ATAD2B: variants seen among roughly 807,000 people sequenced by gnomAD.
ATAD2B encodes ATPase family AAA domain-containing protein 2B.
In ATAD2B, 40 loss-of-function variants were observed where a neutral mutation model predicts 167.6. The observed-to-expected ratio is 0.24, with a 90% CI of 0.19 to 0.31. The LOEUF (loss-of-function observed/expected upper bound fraction) is 0.31. Ranked by LOEUF, ATAD2B falls within the 10% of genes least tolerant of loss-of-function variation. The probability of loss-of-function intolerance (pLI) is 1.00; values close to 1 mark genes in which losing one functional copy is unlikely to be tolerated. For missense variants in ATAD2B, 1,242 were observed against 1,757.2 expected (o/e 0.71, Z 5.24); for synonymous variants, 579 against 596.5 (o/e 0.97, Z 0.43).
chr2:23,769,099 C>T (rs577089810), intron 22 of ATAD2B, among the ~76,000 whole-genome samples: 1 of 152,214 alleles, frequency 6.6e-6, no homozygotes, highest in East Asian at 1.9e-4. Context: ...TCTAGGACCC[C>T]ATCTCCCCTT....
Position 23,786,288 on chromosome 2 carries a change from C to T in ATAD2B, c.2777-65G>A, listed in dbSNP as rs1490421037. On this transcript the variant is annotated intron_variant, in intron 20 of 27. Coordinates refer to ENST00000238789, the MANE Select transcript of ATAD2B (RefSeq NM_017552.4). ...TGGGCCAGGACCCTTTTTTGGCATTCTCTCAAAATGTTCTTTAAAGAAAAG... is the reference window on the plus strand; with the variant it reads ...TGGGCCAGGACCCTTTTTTGGCATTTTCTCAAAATGTTCTTTAAAGAAAAG... The T allele has an allele frequency of 6.2e-6, 8 of 1,288,598 alleles. No homozygotes were observed. The African/African-American group carries it at 1.1e-4, about 17-fold the overall frequency. 79.8% of individuals were successfully genotyped at this position (1,288,598 alleles called of 1,614,324 possible).
Position 23,898,345 on chromosome 2 carries a change from ATC to A in ATAD2B, c.217-2377_217-2376del, listed in dbSNP as rs568302379. Among the ~76,000 whole-genome samples, 7 of 152,326 alleles carry A rather than the reference ATC, an allele frequency of 4.6e-5. No homozygotes were observed. In the South Asian group the frequency reaches 1.5e-3, roughly 32 times the overall value. On this transcript the variant is annotated intron_variant, in intron 1 of 27. Transcript: ENST00000238789. ...AGAATCTTGGTCTCCACAACCCTTT[ATC>A]TTAACCCAGACACTCCTTTATACTG...
chr2:23,839,947 T>C (rs1366513995), intron 13 of ATAD2B, among the ~76,000 whole-genome samples: 2 of 152,184 alleles, frequency 1.3e-5, no homozygotes, highest in Admixed American at 6.5e-5. Flanking sequence ...ACAGATTACT[T>C]TGCATTACTT....
chr2:23,701,793 C>CTTTTTTTTTTT, the ATAD2B span, among the ~76,000 whole-genome samples: 8 of 22,540 alleles, frequency 3.5e-4, 1 homozygote, highest in Non-Finnish European at 5.9e-4. Context: ...CTTTTTTTTG[C>CTTTTTTTTTTT]TTTTTTTTTT....
intron 16 of ATAD2B, among the ~76,000 whole-genome samples, chr2:23,820,826 G>T (rs567670196): frequency 6.6e-6 from 1 of 152,134 alleles, no homozygotes; most frequent in Non-Finnish European, 1.5e-5. Context: ...CAGGCGCCTC[G>T]TAGTCCCAGC....
intron 12 of ATAD2B, among the ~76,000 whole-genome samples, chr2:23,859,318 T>C (rs1693963459): frequency 6.6e-6 from 1 of 152,106 alleles, no homozygotes; most frequent in South Asian, 2.1e-4. Flanking sequence ...TTTATTTATT[T>C]TGAATTTTTG....
At chr2:23,880,441 T>C (rs938210616) in intron 7 of ATAD2B, among the ~76,000 whole-genome samples, 198 bp downstream of exon 7, 2 of 152,002 alleles carry the variant, frequency 1.3e-5, no homozygotes, top group Non-Finnish European at 2.9e-5. Flanking sequence ...CGGGCACCTG[T>C]AGTCCCAGCT....
At chr2:23,798,458 T>A in intron 18 of ATAD2B, 135 bp from the exon 19 acceptor site, 1 of 627,470 alleles carries the variant, frequency 1.6e-6, no homozygotes, top group Admixed American at 3.4e-5. Context: ...AAGTTCAAGA[T>A]ATGATGCACA....
the ATAD2B span, chr2:23,696,742 A>AGAT: frequency 2.1e-6 from 1 of 479,554 alleles, no homozygotes; most frequent in Non-Finnish European, 3.7e-6. This position sits in a 1 kb window ranked among gnomAD's most constrained non-coding sequence, Gnocchi z 5.5. Flanking sequence ...CTGAGATGGG[A>AGAT]GATGGGGCGC....
chr2:23,780,997 TA>T (rs747902865), intron 22 of ATAD2B, among the ~76,000 whole-genome samples: 2 of 152,140 alleles, frequency 1.3e-5, no homozygotes, highest in Non-Finnish European at 2.9e-5. Context: ...CATTTTTTTT[TA>T]GTATTACCTA....
intron 17 of ATAD2B, among the ~76,000 whole-genome samples, chr2:23,812,641 T>C (rs1476158302): frequency 1.3e-5 from 2 of 152,074 alleles, no homozygotes; most frequent in Non-Finnish European, 2.9e-5. Flanking sequence ...GGCTGGCGGA[T>C]CACAAGGTCA....
rs1369643444 is a variant in ATAD2B, at chr2:23,923,896, G to T, written c.216+2659C>A. ...TCAAGTGTAGTTAGTTAAGAACATG[G>T]CACAGGCTGGGCGCGGTGGCTCACG... On this transcript the variant is annotated intron_variant, in intron 1 of 27. Transcript: ENST00000238789. Among the ~76,000 whole-genome samples the T allele has an allele frequency of 2.6e-5, 4 of 152,302 alleles. No individual in the cohort carries two copies. In the East Asian group the frequency reaches 7.7e-4, roughly 29 times the overall value.
At chr2:23,680,251 G>A in the ATAD2B span, among the ~76,000 whole-genome samples, 3 of 152,286 alleles carry the variant, frequency 2.0e-5, no homozygotes, top group East Asian at 5.8e-4. The surrounding 1 kb of genome is among the most constrained non-coding windows in gnomAD (Gnocchi z 4.1). Flanking sequence ...TTGGTGTGAT[G>A]AGGGAGGGGA....
intron 18 of ATAD2B, among the ~76,000 whole-genome samples, chr2:23,808,723 AG>A (rs1020139332): frequency 6.6e-6 from 1 of 152,154 alleles, no homozygotes; most frequent in Non-Finnish European, 1.5e-5. Flanking sequence ...TCCAATACTT[AG>A]ATCTCTCAAT....
the ATAD2B span, among the ~76,000 whole-genome samples, chr2:23,737,382 G>A: frequency 5.3e-5 from 8 of 152,078 alleles, no homozygotes; most frequent in African/African-American, 1.4e-4. Flanking sequence ...CAGCATTTGC[G>A]GTTCACCAAT....
chr2:23,783,173 T>A (rs1426881128), intron 21 of ATAD2B, 145 bp from the exon 22 acceptor site: 12 of 445,044 alleles, frequency 2.7e-5, no homozygotes, highest in African/African-American at 2.2e-4. Flanking sequence ...CAGCGCTATT[T>A]ATGCTACCAA....
chr2:23,864,409 T>C (rs1295263988), intron 11 of ATAD2B, among the ~76,000 whole-genome samples: 1 of 152,126 alleles, frequency 6.6e-6, no homozygotes, highest in Non-Finnish European at 1.5e-5. Flanking sequence ...TTCCTACAAA[T>C]AAATTATCAA....
In ATAD2B at chr2:23,915,586, C is replaced by CTTTTT. The variant is rs869032768; in HGVS notation, c.216+10964_216+10968dup. Among the ~76,000 whole-genome samples the CTTTTT allele has an allele frequency of 3.6e-3, 233 of 65,248 alleles. 33 individuals are homozygous for CTTTTT. Among genetic ancestry groups the CTTTTT allele is most frequent in the Non-Finnish European group, 4.2e-3 (153 of 36,712 alleles). 42.8% of individuals were successfully genotyped at this position (65,248 alleles called of 152,430 possible). On this transcript the variant is annotated intron_variant, in intron 1 of 27. Transcript: ENST00000238789. Reference sequence around the variant, plus strand: ...AAACAACCATGTCTGACTACCGATTCTTTTTTTTTTTTTTTTTTTTTTTTT... The same window carrying CTTTTT: ...AAACAACCATGTCTGACTACCGATTCTTTTTTTTTTTTTTTTTTTTTTTTTTTTTT...
At chr2:23,776,954 C>T (rs1256661682) in intron 22 of ATAD2B, among the ~76,000 whole-genome samples, 1 of 152,072 alleles carries the variant, frequency 6.6e-6, no homozygotes, top group African/African-American at 2.4e-5. Context: ...CTCCCAGTAC[C>T]TTAAAATATG....
Sources: gnomAD v4.1 joint callset for allele counts (sites outside exome capture counted in the v4.1 genomes callset) on GRCh38, gnomAD v4.1.1 for gene constraint, Gnocchi (gnomAD v3.1) non-coding constraint, MANE v1.5 for transcripts, NCBI Gene and HGNC (gene_info 2026-07-23, HGNC 2026-07-21) for gene names.